CACNA1A: variants seen among roughly 807,000 people sequenced by gnomAD.
The protein encoded by CACNA1A is voltage-dependent P/Q-type calcium channel subunit alpha-1A.
In CACNA1A, 57 loss-of-function variants were observed where a neutral mutation model predicts 262.4. The ratio of observed to expected loss-of-function variants is 0.22; its 90% CI spans 0.18 to 0.27. The LOEUF is 0.27. Among genes scored for constraint, CACNA1A ranks in the 10% least tolerant of loss-of-function variants. CACNA1A has a pLI of 1.00. For synonymous variants in CACNA1A, 1,431 were observed against 1,419.3 expected, an observed-to-expected ratio of 1.01 and a Z score of -0.18; for missense variants, 2,526 against 3,562.8, an observed-to-expected ratio of 0.71 and a Z score of 7.41.
intron 24 of CACNA1A, among the ~76,000 whole-genome samples, chr19:13,265,652 TTTTC>T (rs909308673): frequency 1.1e-4 from 16 of 152,078 alleles, no homozygotes; most frequent in Non-Finnish European, 1.9e-4. Context: ...AATCATTTCT[TTTTC>T]TTTCTTTCTT....
rs2054856814 is a variant in CACNA1A, at chr19:13,212,623, ACACT to A, written c.6050+4_6050+7del. On this transcript the variant is annotated splice_donor_5th_base_variant and intron_variant, in intron 41 of 46. Transcript: ENST00000360228. The surrounding 1 kb of genome is among the most constrained non-coding windows in gnomAD (Gnocchi z 5.6). ...ACACTCCACCTCCCTGGCAGGGGTGACACTCACAGGGCTCCTCCTGGGTCCAGCT... is the reference window on the plus strand; with the variant it reads ...ACACTCCACCTCCCTGGCAGGGGTGACACAGGGCTCCTCCTGGGTCCAGCT... 1 of 1,515,026 alleles carries A rather than the reference ACACT, an allele frequency of 6.6e-7. No individual in the cohort carries two copies. Among genetic ancestry groups the A allele is most frequent in the African/African-American group, 1.4e-5 (1 of 72,614 alleles). 93.8% of individuals were successfully genotyped at this position (1,515,026 alleles called of 1,614,324 possible).
intron 4 of CACNA1A, among the ~76,000 whole-genome samples, chr19:13,369,195 C>G (rs1023363583): frequency 6.6e-6 from 1 of 152,130 alleles, no homozygotes; most frequent in Non-Finnish European, 1.5e-5. Flanking sequence ...TTGCTAATGC[C>G]TCCCAGCTGC....
At chr19:13,503,949 C>T (rs1982704990) in intron 1 of CACNA1A, among the ~76,000 whole-genome samples, 3 of 152,218 alleles carry the variant, frequency 2.0e-5, no homozygotes, top group Non-Finnish European at 4.4e-5. Flanking sequence ...CCCCTCTCCC[C>T]CAACAGCCCT....
chr19:13,283,180 C>CCCTA, intron 22 of CACNA1A, 87 bp downstream of exon 22: 1 of 1,534,806 alleles, frequency 6.5e-7, no homozygotes, highest in Non-Finnish European at 8.9e-7. Context: ...CAACATCCCA[C>CCCTA]CCTACCTATG....
rs1397767462 is a variant in CACNA1A at position 13,207,657 on chromosome 19, A to G, written c.7177T>C (p.Ser2393Pro). Residue 2393 changes from serine (S) to proline (P), a missense_variant, in exon 47 of 47, where the codon TCT (serine) becomes CCT (proline). By Grantham distance (74) the Ser-to-Pro change is moderately conservative. Coordinates refer to ENST00000360228, the MANE Select transcript of CACNA1A (RefSeq NM_001127222.2). This position sits in a 1 kb window ranked among gnomAD's most constrained non-coding sequence, Gnocchi z 5.7. ...CRHGGARWPA[S>P]GPHVSEGPPG... The stretch of plus-strand genomic sequence containing the variant: ...GGCCCCTCGGACACGTGCGGGCCAG[A>G]TGCCGGCCACCGGGCCCCGCCGTGT... 2 of 1,448,798 alleles carry G rather than the reference A, an allele frequency of 1.4e-6. No individual in the cohort carries two copies. Among genetic ancestry groups the G allele is most frequent in the Non-Finnish European group, 1.8e-6 (2 of 1,100,456 alleles). 89.7% of individuals were successfully genotyped at this position (1,448,798 alleles called of 1,614,324 possible). A position where few individuals can be genotyped will look rare whatever the true frequency, so the allele number is the denominator to read the frequency against.
intron 36 of CACNA1A, among the ~76,000 whole-genome samples, chr19:13,228,324 T>A (rs1471552042): frequency 1.3e-5 from 2 of 150,912 alleles, no homozygotes; most frequent in Admixed American, 1.3e-4. Flanking sequence ...GCTAGGGGCT[T>A]TGGGAGGTGA....
intron 29 of CACNA1A, among the ~76,000 whole-genome samples, chr19:13,254,451 C>G (rs994204300): frequency 1.3e-5 from 2 of 151,948 alleles, no homozygotes; most frequent in Non-Finnish European, 2.9e-5. Context: ...CAACCTCCGC[C>G]TCCCGGGTTC....
intron 3 of CACNA1A, among the ~76,000 whole-genome samples, chr19:13,428,730 C>T (rs914047379): frequency 6.6e-6 from 1 of 152,134 alleles, no homozygotes; most frequent in African/African-American, 2.4e-5. Flanking sequence ...TGTTCAGCTA[C>T]TTTCTGCCAC....
In CACNA1A at chr19:13,262,713, C is replaced by T. The variant is rs1301763366; in HGVS notation, c.4089+21G>A. 3.3e-6 allele frequency: 5 copies of T among 1,520,632 alleles called. No individual in the cohort carries two copies. In the East Asian group the frequency reaches 9.0e-5, roughly 27 times the overall value. The allele number at this position is 1,520,632 out of a possible 1,614,324, so 94.2% of individuals were successfully genotyped here. ...ACCCTGACAGTCCCCCCCACCGCAC[C>T]CCACCATCTCCCAATCTCACCTTGA... On this transcript the variant is annotated intron_variant, in intron 25 of 46. Transcript: ENST00000360228.
intron 3 of CACNA1A, among the ~76,000 whole-genome samples, chr19:13,441,447 A>T (rs2060717818): frequency 6.6e-6 from 1 of 151,934 alleles, no homozygotes; most frequent in Non-Finnish European, 1.5e-5. Flanking sequence ...CGAGTGGATC[A>T]CCTGAGGGGA....
At chr19:13,342,068 T>C (rs925816451) in intron 6 of CACNA1A, among the ~76,000 whole-genome samples, 1 of 152,186 alleles carries the variant, frequency 6.6e-6, no homozygotes, top group Admixed American at 6.5e-5. Context: ...AGTGGGCTTC[T>C]GCTGCCTGAT....
intron 10 of CACNA1A, among the ~76,000 whole-genome samples, chr19:13,320,236 TCGAGAGAGAGAG>T (rs1203647196): frequency 2.7e-5 from 2 of 73,516 alleles, no homozygotes; most frequent in African/African-American, 1.0e-4. Context: ...GTTCCACAGA[TCGAGAGAGAGAG>T]AGAGAGAGAG....
rs1280772897 is a variant in CACNA1A, at chr19:13,298,847, T to C, written c.2786A>G (p.His929Arg). 6.3e-7 allele frequency: 1 copy of C among 1,584,814 alleles called. No homozygotes were observed. The highest frequency in any genetic ancestry group is 1.7e-5 in the Admixed American group (1 of 58,920). ...CCCCTGCCGGTGCACGTGCCTCCGG[T>C]GGGGGTCCCCGGCCTTGCCTCGCTC... ...EAERGKAGDP[H>R]RRHVHRQGGS... Residue 929 changes from histidine to arginine, a missense_variant, in exon 19 of 47, where the codon CAC becomes CGC. Around this residue, in one of 17 missense-constraint regions of CACNA1A, gnomAD observed 765 missense variants for 748.6 expected, o/e 1.02. Transcript: ENST00000360228.
intron 17 of CACNA1A, 64 bp downstream of exon 17, chr19:13,303,482 C>CCCCCCCCCCA: frequency 6.1e-6 from 3 of 490,778 alleles, no homozygotes; most frequent in Non-Finnish European, 1.1e-5. Flanking sequence ...ACCCCCACCC[C>CCCCCCCCCCA]CGTCCTGATC....
At chr19:13,453,377 TCA>T (rs1047028348) in intron 2 of CACNA1A, among the ~76,000 whole-genome samples, 5 of 152,218 alleles carry the variant, frequency 3.3e-5, no homozygotes, top group Non-Finnish European at 5.9e-5. Context: ...AGTTCTGCAG[TCA>T]CACTGGCTAC....
intron 4 of CACNA1A, chr19:13,370,657 C>T (rs1462757335): frequency 2.0e-5 from 3 of 149,250 alleles, no homozygotes; most frequent in East Asian, 2.0e-4. Flanking sequence ...CTCCTGAGCT[C>T]GCTCTATCTG....
At chr19:13,336,910 C>T (rs2058587195) in intron 6 of CACNA1A, among the ~76,000 whole-genome samples, 2 of 152,246 alleles carry the variant, frequency 1.3e-5, no homozygotes, top group African/African-American at 4.8e-5. Context: ...AGCCTTGCCT[C>T]CAGCTGTCAG....
intron 10 of CACNA1A, among the ~76,000 whole-genome samples, chr19:13,317,698 C>T (rs905410069): frequency 6.6e-6 from 1 of 152,202 alleles, no homozygotes; most frequent in Non-Finnish European, 1.5e-5. Context: ...CTGCATGGAG[C>T]ACGCTTGGAA....
At chr19:13,217,416 T>G (rs2055054759) in intron 38 of CACNA1A, among the ~76,000 whole-genome samples, 1 of 152,178 alleles carries the variant, frequency 6.6e-6, no homozygotes, top group Non-Finnish European at 1.5e-5. Flanking sequence ...TGAGCTGAAC[T>G]ATGAAAAGAA....
Sources: allele counts gnomAD v4.1 joint callset (sites outside exome capture counted in the v4.1 genomes callset), GRCh38; gene constraint gnomAD v4.1.1; regional missense constraint gnomAD v4.1.1; non-coding constraint Gnocchi (gnomAD v3.1); transcripts MANE v1.5; gene names NCBI Gene and HGNC (gene_info 2026-07-23, HGNC 2026-07-21).